The following CCDC14 variants were observed in gnomAD, a reference collection of about 807,000 sequenced individuals.
CCDC14 encodes the protein coiled-coil domain-containing protein 14.
A neutral mutation model predicts 81.4 loss-of-function variants in CCDC14; 71 were observed. The ratio of observed to expected loss-of-function variants is 0.87; its 90% CI spans 0.72 to 1.06. The LOEUF is 1.06. Ranked by LOEUF, CCDC14 falls within the 50% of genes least tolerant of loss-of-function variation. The probability of loss-of-function intolerance (pLI) is 0.00; values close to 1 mark genes in which losing one functional copy is unlikely to be tolerated. For missense variants in CCDC14, 1,046 were observed against 1,047.3 expected (o/e 1.00, Z 0.02); for synonymous variants, 332 against 364.8 (o/e 0.91, Z 1.03).
intron 12 of CCDC14, among the ~76,000 whole-genome samples, chr3:123,929,815 A>G (rs1360981614): frequency 6.6e-6 from 1 of 152,160 alleles, no homozygotes; most frequent in Non-Finnish European, 1.5e-5. Flanking sequence ...GTCTCTGTGA[A>G]TCTGCCTATT....
intron 12 of CCDC14, among the ~76,000 whole-genome samples, chr3:123,927,632 G>C (rs999329768): frequency 6.6e-6 from 1 of 151,716 alleles, no homozygotes; most frequent in South Asian, 2.1e-4. Context: ...GCATAAAAAC[G>C]TGCTTAACAA....
At chr3:123,918,299 A>G (rs1478457722) in intron 12 of CCDC14, among the ~76,000 whole-genome samples, 2 of 152,218 alleles carry the variant, frequency 1.3e-5, no homozygotes, top group Non-Finnish European at 2.9e-5. Context: ...TCAAATGGCA[A>G]TGGCTCCTGC....
downstream of CCDC14, among the ~76,000 whole-genome samples, chr3:123,912,089 T>C (rs372358816): frequency 9.0e-4 from 137 of 152,266 alleles, 5 homozygotes; most frequent in South Asian, 0.028. Flanking sequence ...CTAAATTCAT[T>C]GTAAAGGGTT....
downstream of CCDC14, among the ~76,000 whole-genome samples, chr3:123,893,724 T>G (rs993738752): frequency 6.6e-6 from 1 of 152,142 alleles, no homozygotes; most frequent in Non-Finnish European, 1.5e-5. Flanking sequence ...ATATTCTCAT[T>G]AATATATATT....
rs1419978218 is a variant in CCDC14, at chr3:123,914,239, C to G, written c.*540G>C. 4 of 984,018 alleles carry G rather than the reference C, an allele frequency of 4.1e-6. No homozygotes were observed. Among genetic ancestry groups the G allele is most frequent in the Non-Finnish European group, 4.8e-6 (4 of 828,534 alleles). 61.0% of individuals were successfully genotyped at this position (984,018 alleles called of 1,614,324 possible). A position where few individuals can be genotyped will look rare whatever the true frequency, so the allele number is the denominator to read the frequency against. On this transcript the variant is annotated 3_prime_UTR_variant, in exon 13 of 13. Transcript: ENST00000409697. ...TTATCTATATATTTTTTAGACCAAT[C>G]AATGTTTTTTAAGAGGTGTAGATAC...
intron 5 of CCDC14, 125 bp downstream of exon 5, chr3:123,955,718 T>TA: frequency 1.2e-6 from 1 of 804,556 alleles, no homozygotes; most frequent in South Asian, 2.6e-5. Flanking sequence ...CAGAAAGGCA[T>TA]AAGCACACAT....
intron 8 of CCDC14, among the ~76,000 whole-genome samples, chr3:123,945,624 TTTTATC>T (rs1321416177): frequency 6.6e-6 from 1 of 152,126 alleles, no homozygotes; most frequent in Non-Finnish European, 1.5e-5. Context: ...TTCTTTTGCC[TTTTATC>T]TTTGTCCCCT....
At chr3:123,959,789 G>A (rs1282164030) in intron 1 of CCDC14, among the ~76,000 whole-genome samples, 2 of 128,976 alleles carry the variant, frequency 1.6e-5, no homozygotes, top group African/African-American at 6.5e-5. Context: ...TTTTTCATAT[G>A]CATTTTTTAC....
At chr3:123,892,877 T>G (rs1478096431), downstream of CCDC14, among the ~76,000 whole-genome samples, 2 of 152,150 alleles carry the variant, frequency 1.3e-5, no homozygotes, top group African/African-American at 2.4e-5. Flanking sequence ...TCATCTCGGC[T>G]CATTGTAACC....
intron 5 of CCDC14, among the ~76,000 whole-genome samples, chr3:123,903,343 C>T (rs939628505): frequency 2.6e-4 from 38 of 146,072 alleles, no homozygotes; most frequent in Admixed American, 2.6e-3. Flanking sequence ...CACACACACA[C>T]GACAAGCCAC....
chr3:123,900,635 A>C (rs1559753745), intron 5 of CCDC14, among the ~76,000 whole-genome samples: 1 of 152,248 alleles, frequency 6.6e-6, no homozygotes, highest in Admixed American at 6.5e-5. Context: ...TATTCAGATT[A>C]AGATAGTGCC....
Position 123,931,406 on chromosome 3 carries a change from T to C in CCDC14, c.1547A>G (p.Asp516Gly), listed in dbSNP as rs1271758083. ...TATACTACTAAATTTTTTGTTTTCA[T>C]CTTTCTGATTTTCAATCACTTTTAA... ...ELLKVIENQK[D>G]ENKKFSSIFK... The change falls in exon 11 of 13, where the codon GAT (aspartate) becomes GGT (glycine). Residue 516 changes from aspartate (D) to glycine (G), a missense_variant. Coordinates refer to ENST00000409697, the MANE Select transcript of CCDC14 (RefSeq NM_001366335.1). 9.7e-6 allele frequency: 15 copies of C among 1,546,634 alleles called. No homozygotes were observed. Among genetic ancestry groups the C allele is most frequent in the Non-Finnish European group, 1.3e-5 (15 of 1,141,114 alleles).
intron 12 of CCDC14, among the ~76,000 whole-genome samples, chr3:123,927,837 T>A (rs999254693): frequency 7.2e-5 from 11 of 151,926 alleles, no homozygotes; most frequent in Admixed American, 7.2e-4. Context: ...TCATTCTGAA[T>A]AAACAATGGA....
At chr3:123,900,347 G>A (rs1397124739) in intron 5 of CCDC14, among the ~76,000 whole-genome samples, 2 of 152,190 alleles carry the variant, frequency 1.3e-5, no homozygotes, top group Non-Finnish European at 2.9e-5. Context: ...TAAGTCAAGA[G>A]CCCTCACATG....
At chr3:123,949,345 T>C (rs915387212) in intron 5 of CCDC14, 40 of 519,784 alleles carry the variant, frequency 7.7e-5, no homozygotes, top group Non-Finnish European at 1.1e-4. Context: ...AAATCATCTA[T>C]ACTAATTCTT....
chr3:123,932,052 C>A (rs917105875), intron 10 of CCDC14, among the ~76,000 whole-genome samples: 3 of 152,052 alleles, frequency 2.0e-5, no homozygotes, highest in Non-Finnish European at 4.4e-5. Flanking sequence ...TTTTTCATGG[C>A]GATAAAAGTA....
At chr3:123,958,958 T>C (rs2037506322) in intron 1 of CCDC14, 1 of 152,220 alleles carries the variant, frequency 6.6e-6, no homozygotes, top group African/African-American at 2.4e-5. Context: ...TCTCTGTTGT[T>C]GCATATGACA....
intron 7 of CCDC14, among the ~76,000 whole-genome samples, chr3:123,948,256 A>G (rs972291559): frequency 7.6e-6 from 1 of 131,038 alleles, no homozygotes; most frequent in Non-Finnish European, 1.6e-5. Flanking sequence ...TTTTTTTTTG[A>G]GATAGAGTCT....
chr3:123,901,767 C>T (rs1009437453), intron 5 of CCDC14, among the ~76,000 whole-genome samples: 9 of 152,038 alleles, frequency 5.9e-5, no homozygotes, highest in African/African-American at 1.9e-4. Flanking sequence ...TATATTCATA[C>T]AAAGGATCAC....
Sources: allele counts gnomAD v4.1 joint callset (sites outside exome capture counted in the v4.1 genomes callset), GRCh38; gene constraint gnomAD v4.1.1; transcripts MANE v1.5; gene names NCBI Gene and HGNC (gene_info 2026-07-23, HGNC 2026-07-21).